The following TNRC6C variants were observed in gnomAD, a reference collection of about 807,000 sequenced individuals.
The protein encoded by TNRC6C is trinucleotide repeat containing adaptor 6C.
In TNRC6C, 20 loss-of-function variants were observed where a neutral mutation model predicts 153.7. That is an observed-to-expected ratio of 0.13 (90% confidence interval 0.09 to 0.19). The LOEUF (loss-of-function observed/expected upper bound fraction) is 0.19. Ranked by LOEUF, TNRC6C falls within the 10% of genes least tolerant of loss-of-function variation. The pLI is 1.00. For missense variants in TNRC6C, 1,987 were observed against 2,172.0 expected (o/e 0.91, Z 1.69); for synonymous variants, 811 against 841.4 (o/e 0.96, Z 0.63).
chr17:78,005,190 C>G, intron 1 of TNRC6C, 111 bp downstream of exon 3: 2 of 639,274 alleles, frequency 3.1e-6, no homozygotes, highest in Non-Finnish European at 4.5e-6. Flanking sequence ...TCTAAGCCTG[C>G]CTTTGAAACT....
chr17:78,071,001 T>A (rs1598755967), intron 5 of TNRC6C, 84 bp from the exon 8 acceptor site: 2 of 1,335,180 alleles, frequency 1.5e-6, no homozygotes, highest in African/African-American at 2.9e-5. Context: ...TAAATGACCC[T>A]GAATTTAGGC....
chr17:77,963,528 G>A (rs1304708367), intron 1 of TNRC6C, among the ~76,000 whole-genome samples: 1 of 152,218 alleles, frequency 6.6e-6, no homozygotes, highest in Non-Finnish European at 1.5e-5. Context: ...TTCAGAGAAT[G>A]AAGAAGCTAT....
At chr17:78,050,235 T>G (rs749461238) in exon 3 of TNRC6C, 36 of 1,539,116 alleles carry the variant, frequency 2.3e-5, no homozygotes, top group Non-Finnish European at 3.1e-5. Flanking sequence ...CGGCATCTTC[T>G]GGAACTACAG....
intron 6 of TNRC6C, 148 bp downstream of exon 8, chr17:78,071,313 C>T: frequency 1.2e-6 from 1 of 801,210 alleles, no homozygotes; most frequent in Non-Finnish European, 2.0e-6. Context: ...TCTTAAATCT[C>T]CCTTTTACCT....
chr17:78,086,328 TAAAAAAAAAAAAAAAAAAA>T (rs58348772), intron 11 of TNRC6C, among the ~76,000 whole-genome samples, 156 bp from the exon 14 acceptor site: 3 of 53,324 alleles, frequency 5.6e-5, no homozygotes, highest in East Asian at 4.4e-4. Context: ...AGACTCCATC[TAAAAAAAAAAAAAAAAAAA>T]AAAAAAAAAA....
At chr17:78,055,172 A>G (rs2072628038) in intron 3 of TNRC6C, among the ~76,000 whole-genome samples, 1 of 152,258 alleles carries the variant, frequency 6.6e-6, no homozygotes, top group African/African-American at 2.4e-5. Context: ...CACACATTGT[A>G]CAGCTTCACA....
intron 1 of TNRC6C, among the ~76,000 whole-genome samples, chr17:77,980,257 G>A (rs1270372083): frequency 6.6e-6 from 1 of 152,184 alleles, no homozygotes; most frequent in Non-Finnish European, 1.5e-5. Context: ...CACATCCTGC[G>A]CATGTACCTG....
At chr17:78,084,113 G>T (rs148195947) in intron 11 of TNRC6C, among the ~76,000 whole-genome samples, 2 of 151,932 alleles carry the variant, frequency 1.3e-5, no homozygotes, top group African/African-American at 4.8e-5. Flanking sequence ...GTGAAACCCC[G>T]TCTCTACTAA....
chr17:78,067,206 T>TGTG (rs759145601), intron 4 of TNRC6C, among the ~76,000 whole-genome samples: 3 of 151,948 alleles, frequency 2.0e-5, no homozygotes, highest in Admixed American at 6.6e-5. Context: ...ATTAGCTGGA[T>TGTG]GTGGTGGCAC....
At chr17:78,100,231 G>C (rs1296094583) in intron 17 of TNRC6C, among the ~76,000 whole-genome samples, 1 of 152,234 alleles carries the variant, frequency 6.6e-6, no homozygotes, top group Non-Finnish European at 1.5e-5. Context: ...AGCTCTACTA[G>C]GTGGTGCCCC....
chr17:78,001,563 C>T (rs892214055), upstream of TNRC6C, among the ~76,000 whole-genome samples: 5 of 152,106 alleles, frequency 3.3e-5, no homozygotes, highest in East Asian at 1.9e-4. Flanking sequence ...TTGGACATCT[C>T]AGTAGGGGGA....
At chr17:78,098,987 A>G (rs1388889885) in intron 17 of TNRC6C, among the ~76,000 whole-genome samples, 2 of 152,240 alleles carry the variant, frequency 1.3e-5, no homozygotes, top group African/African-American at 4.8e-5. Flanking sequence ...TGCAGGCCCA[A>G]AACAAAACAA....
intron 1 of TNRC6C, among the ~76,000 whole-genome samples, chr17:77,981,161 G>A (rs1378913807): frequency 6.6e-6 from 1 of 152,086 alleles, no homozygotes; most frequent in African/African-American, 2.4e-5. Flanking sequence ...AAAAAATTTT[G>A]TAGAGGTGGG....
intron 1 of TNRC6C, among the ~76,000 whole-genome samples, chr17:77,988,600 T>C (rs959271716): frequency 3.3e-5 from 5 of 152,232 alleles, no homozygotes; most frequent in South Asian, 4.1e-4. Context: ...ATTAGCATTT[T>C]TACCACCAGG....
chr17:78,035,031 AAACTAGAACTTGTTATGCCACC>A (rs2072152007), intron 2 of TNRC6C, among the ~76,000 whole-genome samples: 1 of 152,164 alleles, frequency 6.6e-6, no homozygotes, highest in African/African-American at 2.4e-5. Flanking sequence ...GAGGACTTGG[AAACTAGAACTTGTTATGCCACC>A]AACTAGTCCT....
At chr17:77,984,598 A>T (rs773753682) in intron 1 of TNRC6C, among the ~76,000 whole-genome samples, 2 of 152,220 alleles carry the variant, frequency 1.3e-5, no homozygotes, top group Non-Finnish European at 2.9e-5. Flanking sequence ...AGGCTGGCAT[A>T]GGAGAGCCCT....
Position 77,960,577 on chromosome 17 carries a change from G to A in TNRC6C, c.-38+1309G>A, listed in dbSNP as rs2070853724. 2.0e-5 allele frequency among the ~76,000 whole-genome samples: 3 copies of A among 152,336 alleles called. No individual in the cohort carries two copies. In the South Asian group the frequency reaches 6.2e-4, roughly 32 times the overall value. On this transcript the variant is annotated intron_variant, in intron 1 of 22. Coordinates refer to the TNRC6C transcript ENST00000636222. ...GACAGTGGTAGCTGGTTTGAAATGT[G>A]TAGGGGGTGTTGGCAATGATATTCA... is the stretch of plus-strand genomic sequence containing the variant.
chr17:77,997,361 A>G (rs552031304), intron 1 of TNRC6C, among the ~76,000 whole-genome samples: 11 of 152,132 alleles, frequency 7.2e-5, no homozygotes, highest in Non-Finnish European at 1.3e-4. Context: ...ACCCTTCCGA[A>G]GTATAGGTCC....
chr17:78,082,354 C>T (rs1598770440), intron 10 of TNRC6C, among the ~76,000 whole-genome samples: 1 of 151,808 alleles, frequency 6.6e-6, no homozygotes, highest in Non-Finnish European at 1.5e-5. Context: ...AACATAACAT[C>T]GGTATGCAGA....
Sources: allele counts gnomAD v4.1 joint callset (sites outside exome capture counted in the v4.1 genomes callset), GRCh38; gene constraint gnomAD v4.1.1; transcripts MANE v1.5; gene names NCBI Gene and HGNC (gene_info 2026-07-23, HGNC 2026-07-21).